The following COBLL1 variants were observed in gnomAD, a reference collection of about 807,000 sequenced individuals.
COBLL1 encodes cordon-bleu protein-like 1.
A neutral mutation model predicts 94.8 loss-of-function variants in COBLL1; 50 were observed. The observed-to-expected ratio is 0.53, with a 90% CI of 0.42 to 0.67. The LOEUF is 0.67. Ranked by LOEUF, COBLL1 falls within the 30% of genes least tolerant of loss-of-function variation. COBLL1 has a pLI of 0.00. For synonymous variants in COBLL1, 448 were observed against 473.8 expected (o/e 0.95, Z 0.71); for missense variants, 1,362 against 1,348.7 (o/e 1.01, Z -0.15).
downstream of COBLL1, among the ~76,000 whole-genome samples, chr2:164,676,274 C>T (rs535068055): frequency 7.2e-5 from 11 of 152,130 alleles, no homozygotes; most frequent in Admixed American, 7.2e-4. Context: ...GTACTCCTTT[C>T]ACTAAACACA....
chr2:164,837,121 CA>C (rs1227829480), intron 2 of COBLL1, among the ~76,000 whole-genome samples: 3 of 152,186 alleles, frequency 2.0e-5, no homozygotes. Flanking sequence ...TCCAAAGCTG[CA>C]AAATGATAAA....
chr2:164,724,206 CTTAA>C (rs749526442), intron 5 of COBLL1: 7 of 152,162 alleles, frequency 4.6e-5, no homozygotes, highest in Non-Finnish European at 7.3e-5. Context: ...TTTTTCAAAT[CTTAA>C]TTAACTAAGA....
At chr2:164,749,016 C>T (rs184109408) in intron 2 of COBLL1, among the ~76,000 whole-genome samples, 3 of 152,138 alleles carry the variant, frequency 2.0e-5, no homozygotes, top group Admixed American at 2.0e-4. Flanking sequence ...GTCTTTTTAT[C>T]ATTTTGATTT....
At chr2:164,818,255 T>C (rs533199507) in intron 2 of COBLL1, among the ~76,000 whole-genome samples, 1 of 112,260 alleles carries the variant, frequency 8.9e-6, no homozygotes, top group African/African-American at 3.5e-5. Flanking sequence ...CATGTGCATA[T>C]ACACATATAC....
Position 164,694,465 on chromosome 2 carries a change from G to T in COBLL1, c.2927C>A (p.Ala976Asp). 1 of 1,613,970 alleles carries T rather than the reference G, an allele frequency of 6.2e-7. No homozygotes were observed. Among genetic ancestry groups the T allele is most frequent in the Non-Finnish European group, 8.5e-7 (1 of 1,179,944 alleles). The part of the protein sequence containing the change: ...QNLKTLKTFG[A>D]PRPYSSSGPS... ...ACCAGAACTTGAGTATGGTCGTGGG[G>T]CACCAAAAGTTTTCAAAGTCTTCAG... is the stretch of plus-strand genomic sequence containing the variant. The change falls in exon 12 of 14, where the codon GCC (alanine) becomes GAC (aspartate). Residue 976 changes from alanine (A) to aspartate (D), a missense_variant. Ala to Asp is a moderately radical substitution (Grantham distance 126, BLOSUM62 -2). Coordinates refer to ENST00000652658, the MANE Select transcript of COBLL1 (RefSeq NM_001365672.2).
chr2:164,816,651 A>G (rs1684765064), intron 2 of COBLL1, among the ~76,000 whole-genome samples: 2 of 152,242 alleles, frequency 1.3e-5, no homozygotes, highest in Admixed American at 1.3e-4. Context: ...AAAAATATAT[A>G]TCTTTCATTC....
intron 11 of COBLL1, chr2:164,696,558 T>C (rs1378452531): frequency 6.6e-6 from 1 of 152,174 alleles, no homozygotes; most frequent in Non-Finnish European, 1.5e-5. Flanking sequence ...GAAATAGGCA[T>C]CCTTATTCTA....
chr2:164,795,945 G>A (rs1382911459), intron 2 of COBLL1, among the ~76,000 whole-genome samples: 1 of 152,188 alleles, frequency 6.6e-6, no homozygotes, highest in Non-Finnish European at 1.5e-5. Context: ...TCTGAAGAGT[G>A]TGCCCCATGA....
intron 2 of COBLL1, chr2:164,837,384 A>T (rs1306725263): frequency 9.1e-6 from 4 of 437,654 alleles, no homozygotes; most frequent in Non-Finnish European, 1.8e-5. Context: ...AGAAAACTTA[A>T]ATAAATTTAC....
Position 164,757,301 on chromosome 2 carries a change from TAAATAAATGTTCAAA to T in COBLL1, c.42-13441_42-13427del, listed in dbSNP as rs1687460374. ...AATAAATGTTCAATAAATGTTTATG[TAAATAAATGTTCAAA>T]AAATAAATGTTCAATCACATTTATT... is the stretch of plus-strand genomic sequence containing the variant. On this transcript the variant is annotated intron_variant, in intron 2 of 13. Transcript: ENST00000652658. Among the ~76,000 whole-genome samples the T allele has an allele frequency of 2.6e-5, 4 of 151,054 alleles. No homozygotes were observed. In the South Asian group the frequency reaches 8.3e-4, roughly 31 times the overall value.
At chr2:164,804,305 T>C (rs550172941) in intron 2 of COBLL1, among the ~76,000 whole-genome samples, 2 of 152,116 alleles carry the variant, frequency 1.3e-5, no homozygotes, top group South Asian at 2.1e-4. Context: ...CACAACTCTA[T>C]GAGTAAAAGA....
intron 2 of COBLL1, among the ~76,000 whole-genome samples, chr2:164,795,355 A>G (rs551306457): frequency 6.6e-6 from 1 of 152,354 alleles, no homozygotes; most frequent in South Asian, 2.1e-4. Context: ...TTTGATAAAA[A>G]TATGGAGTTC....
chr2:164,795,749 A>T (rs1311469815), intron 2 of COBLL1, among the ~76,000 whole-genome samples: 1 of 152,202 alleles, frequency 6.6e-6, no homozygotes, highest in Non-Finnish European at 1.5e-5. Flanking sequence ...TAATAGTGTG[A>T]TCAACAATCT....
At chr2:164,836,814 G>T (rs940087960) in intron 2 of COBLL1, among the ~76,000 whole-genome samples, 1 of 152,076 alleles carries the variant, frequency 6.6e-6, no homozygotes, top group African/African-American at 2.4e-5. Context: ...TCTCAAATCT[G>T]GTCACACACT....
Position 164,704,978 on chromosome 2 carries a change from T to C in COBLL1, c.1124A>G (p.Gln375Arg). The C allele has an allele frequency of 6.3e-7, 1 of 1,594,080 alleles. No homozygotes were observed. The highest frequency in any genetic ancestry group is 8.5e-7 in the Non-Finnish European group (1 of 1,173,006). The change falls in exon 8 of 14, where the codon CAA becomes CGA. Residue 375 changes from glutamine (Q) to arginine (R), a missense_variant. Physicochemically the swap from Gln to Arg is conservative, Grantham distance 43. Transcript: ENST00000652658. ...AGTCACACGACTATTTTCATCACTT[T>C]GATGCGGGGGTATTTTGGAGGGTGG... ...PSPPSKIPPHQSDENSRVTAL... is the reference protein window; with the variant it reads ...PSPPSKIPPHRSDENSRVTAL...
rs369722134 is a variant in COBLL1 at position 164,724,740 on chromosome 2, C to T, written c.662-2218G>A. The T allele has an allele frequency of 4.0e-5, 6 of 151,864 alleles. No individual in the cohort carries two copies. In the East Asian group the frequency reaches 7.8e-4, roughly 20 times the overall value. The allele number at this position is 151,864 out of a possible 1,614,324, so 9.4% of individuals were successfully genotyped here. On this transcript the variant is annotated intron_variant, in intron 5 of 13. Transcript: ENST00000652658. ...GTCTTAAATGCTTTTATTTAAAATA[C>T]CTGTCTAAGAAAACCAAAATAAATT...
At chr2:164,800,658 T>C in intron 2 of COBLL1, 1 of 670,796 alleles carries the variant, frequency 1.5e-6, no homozygotes, top group South Asian at 1.6e-5. Context: ...ATCTAACTGG[T>C]ATTCAATGGG....
chr2:164,836,362 T>C (rs1311410233), intron 2 of COBLL1, among the ~76,000 whole-genome samples: 2 of 152,186 alleles, frequency 1.3e-5, no homozygotes, highest in African/African-American at 4.8e-5. Context: ...TTGAAATTTA[T>C]AGTTTTTAAA....
intron 2 of COBLL1, among the ~76,000 whole-genome samples, chr2:164,745,309 A>G (rs1196365433): frequency 6.6e-6 from 1 of 152,186 alleles, no homozygotes; most frequent in Non-Finnish European, 1.5e-5. Flanking sequence ...ATAGAAACAT[A>G]TTGTACTTCA....
Sources: gnomAD v4.1 joint callset for allele counts (sites outside exome capture counted in the v4.1 genomes callset) on GRCh38, gnomAD v4.1.1 for gene constraint, MANE v1.5 for transcripts, NCBI Gene and HGNC (gene_info 2026-07-23, HGNC 2026-07-21) for gene names.